Variants in TTC38 observed in about 807,000 individuals in gnomAD.
TTC38 encodes tetratricopeptide repeat protein 38.
In TTC38, 64 loss-of-function variants were observed where a neutral mutation model predicts 64.2. The ratio of observed to expected loss-of-function variants is 1.00; its 90% confidence interval spans 0.81 to 1.23. The LOEUF (loss-of-function observed/expected upper bound fraction) is 1.23. Among genes scored for constraint, TTC38 ranks in the 50% most tolerant of loss-of-function variants. The pLI is 0.00. For synonymous variants in TTC38, 254 were observed against 249.3 expected (o/e 1.02, Z -0.18); for missense variants, 573 against 615.5 (o/e 0.93, Z 0.73).
chr22:46,277,626 AAAAG>A (rs2077502398), intron 5 of TTC38, among the ~76,000 whole-genome samples: 1 of 148,706 alleles, frequency 6.7e-6, no homozygotes, highest in African/African-American at 2.6e-5. Context: ...AAAAAAAAAA[AAAAG>A]AGAGAGATTG....
chr22:46,278,733 G>T (rs925708792), intron 6 of TTC38, 72 bp downstream of exon 6: 54 of 1,237,124 alleles, frequency 4.4e-5, no homozygotes, highest in Non-Finnish European at 6.1e-5. Flanking sequence ...CATATGAGGG[G>T]CACCATTCGT....
chr22:46,286,014 C>CAAAAAAAAA lies in TTC38; in HGVS notation c.834+744_834+752dup, dbSNP rs573736869. Among the ~76,000 whole-genome samples the CAAAAAAAAA allele has an allele frequency of 1.3e-3, 97 of 73,852 alleles. 3 individuals are homozygous for CAAAAAAAAA. The highest frequency in any genetic ancestry group is 3.5e-3 in the African/African-American group (64 of 18,294). 48.4% of individuals were successfully genotyped at this position (73,852 alleles called of 152,430 possible). ...TGGGTGACAGAGTGAGACTCTGTCT[C>CAAAAAAAAA]AAAAAAAAAAAAAAAAAGTGTATAG... On this transcript the variant is annotated intron_variant, in intron 9 of 13. Coordinates refer to ENST00000381031, the MANE Select transcript of TTC38 (RefSeq NM_017931.4).
At chr22:46,289,739 C>A (rs2077599487) in intron 12 of TTC38, 87 bp from the exon 13 acceptor site, 1 of 1,521,684 alleles carries the variant, frequency 6.6e-7, no homozygotes, top group Admixed American at 1.7e-5. Context: ...CACTGTCTCC[C>A]TGGAGAGCAG....
Position 46,282,172 on chromosome 22 carries a change from G to A in TTC38, c.735+454G>A. ...AGCAGGTGTGTGCCACACAGAGGGG[G>A]AAGATGGAGGGCATCCTAGCCCGTC... On this transcript the variant is annotated intron_variant, in intron 7 of 13. Transcript: ENST00000381031. This position sits in a 1 kb window ranked among gnomAD's most constrained non-coding sequence, Gnocchi z 4.4. 2.9e-6 allele frequency: 1 copy of A among 344,192 alleles called. No individual in the cohort carries two copies. Among genetic ancestry groups the A allele is most frequent in the South Asian group, 2.2e-5 (1 of 46,358 alleles). 21.3% of individuals were successfully genotyped at this position (344,192 alleles called of 1,614,324 possible).
intron 10 of TTC38, 74 bp from the exon 11 acceptor site, chr22:46,288,349 G>C: frequency 2.0e-6 from 3 of 1,484,250 alleles, no homozygotes; most frequent in Non-Finnish European, 2.8e-6. Context: ...GGGAAGCGCC[G>C]TGAGGGAGGC....
chr22:46,284,013 C>A lies in TTC38; in HGVS notation c.776C>A (p.Ala259Asp). The A allele has an allele frequency of 6.3e-7, 1 of 1,596,860 alleles. No individual in the cohort carries two copies. Among genetic ancestry groups the A allele is most frequent in the Non-Finnish European group, 8.5e-7 (1 of 1,171,862 alleles). ...MLACHNYWHW[A>D]LYLIEKGEYE... ...GCTTGTCATAACTATTGGCACTGGG[C>A]TTTATATCTGATTGAGAAGGTAAGG... The change falls in exon 8 of 14, where the codon GCT (alanine) becomes GAT (aspartate). Residue 259 changes from alanine to aspartate, a missense_variant. By Grantham distance (126) the Ala-to-Asp change is moderately radical. This residue lies in a region of TTC38 where 371 missense variants were observed against 381.8 expected (regional missense o/e 0.97). Coordinates refer to ENST00000381031, the MANE Select transcript of TTC38 (RefSeq NM_017931.4).
chr22:46,279,138 A>G (rs897237809), intron 6 of TTC38, among the ~76,000 whole-genome samples: 1 of 152,196 alleles, frequency 6.6e-6, no homozygotes, highest in Admixed American at 6.5e-5. Flanking sequence ...CTGAGTGATG[A>G]TCGCCAGTCA....
Position 46,282,512 on chromosome 22 carries a change from G to A in TTC38, c.735+794G>A, listed in dbSNP as rs140732628. On this transcript the variant is annotated intron_variant, in intron 7 of 13. Transcript: ENST00000381031. The surrounding 1 kb of genome is among the most constrained non-coding windows in gnomAD (Gnocchi z 4.4). ...AGGGACACAGCGTCGCTCACTCAGC[G>A]TTTACTGAATACCTGCTTTGTATTT... Among the ~76,000 whole-genome samples the A allele has an allele frequency of 1.8e-4, 27 of 152,334 alleles. No homozygotes were observed. Among genetic ancestry groups the A allele is most frequent in the Non-Finnish European group, 2.9e-4 (20 of 68,034 alleles).
chr22:46,275,697 G>T lies in TTC38; in HGVS notation c.539+276G>T, dbSNP rs1459243455. The stretch of plus-strand genomic sequence containing the variant: ...CTTCCCCAAAGCTTATTACAGCAAA[G>T]GTTTATTTTTCACTCATACTACGTG... On this transcript the variant is annotated intron_variant, in intron 5 of 13. Transcript: ENST00000381031. The surrounding 1 kb of genome is among the most constrained non-coding windows in gnomAD (Gnocchi z 4.5). 6.6e-6 allele frequency among the ~76,000 whole-genome samples: 1 copy of T among 152,118 alleles called. No homozygotes were observed. The highest frequency in any genetic ancestry group is 1.5e-5 in the Non-Finnish European group (1 of 68,024).
Position 46,268,046 on chromosome 22 carries a change from G to A in TTC38, c.7G>A (p.Ala3Thr), listed in dbSNP as rs1158809608. 1.9e-6 allele frequency: 3 copies of A among 1,541,986 alleles called. No individual in the cohort carries two copies. Among genetic ancestry groups the A allele is most frequent in the South Asian group, 1.2e-5 (1 of 83,830 alleles). The change falls in exon 1 of 14, where the codon GCA (alanine) becomes ACA (threonine). Residue 3 changes from alanine to threonine, a missense_variant. Ala to Thr is a moderately conservative substitution (Grantham distance 58). This residue lies in a region of TTC38 where 134 missense variants were observed against 126.5 expected (regional missense o/e 1.06). Coordinates refer to ENST00000381031, the MANE Select transcript of TTC38 (RefSeq NM_017931.4). ...GACTCCGACCCGGCGCAACATGGCC[G>A]CAGCCTCGCCTCTGCGCGACTGCCA... MAAASPLRDCQAW... is the reference protein window; with the variant it reads MATASPLRDCQAW...
At position 46,292,272 on chromosome 22, in the gene TTC38, C is replaced by A; in HGVS notation, c.1317-519C>A. 1 of 432,260 alleles carries A rather than the reference C, an allele frequency of 2.3e-6. No homozygotes were observed. The highest frequency in any genetic ancestry group is 1.7e-5 in the South Asian group (1 of 58,574). The allele number at this position is 432,260 out of a possible 1,614,324, so 26.8% of individuals were successfully genotyped here. A position where few individuals can be genotyped will look rare whatever the true frequency, so the allele number is the denominator to read the frequency against. The stretch of plus-strand genomic sequence containing the variant: ...GATCACAGTTCACTGTAAACTCAAA[C>A]TCCTGGGCTCAAGGAATCTTCCTGC... On this transcript the variant is annotated intron_variant, in intron 13 of 13. Coordinates refer to ENST00000381031, the MANE Select transcript of TTC38 (RefSeq NM_017931.4). This position sits in a 1 kb window ranked among gnomAD's most constrained non-coding sequence, Gnocchi z 6.5.
chr22:46,269,816 G>C (rs141961663), intron 2 of TTC38, among the ~76,000 whole-genome samples: 14 of 152,132 alleles, frequency 9.2e-5, no homozygotes, highest in African/African-American at 3.1e-4. Context: ...TGTTTGAGAC[G>C]GAGTCTTGCC....
rs972537805 is a variant in TTC38, at chr22:46,274,895, G to A, written c.366-353G>A. 4.6e-5 allele frequency among the ~76,000 whole-genome samples: 7 copies of A among 151,962 alleles called. No homozygotes were observed. Among genetic ancestry groups the A allele is most frequent in the African/African-American group, 1.5e-4 (6 of 41,350 alleles). ...GGCTGGAATGCAGTGGCGCAATCTC[G>A]GCTCACTGCCTCCACCTCCCGGGTT... On this transcript the variant is annotated intron_variant, in intron 4 of 13. Transcript: ENST00000381031. The surrounding 1 kb of genome is among the most constrained non-coding windows in gnomAD (Gnocchi z 4.8).
chr22:46,273,579 T>C lies in TTC38; in HGVS notation c.194-319T>C, dbSNP rs1481521559. On this transcript the variant is annotated intron_variant, in intron 3 of 13. Transcript: ENST00000381031. The surrounding 1 kb of genome is among the most constrained non-coding windows in gnomAD (Gnocchi z 5.1). ...GGGAGCCGTGTGCTGGCTGTGGCGG[T>C]AGTGTCAGCTGATGAGCCTGCAGGC... Among the ~76,000 whole-genome samples, 1 of 152,206 alleles carries C rather than the reference T, an allele frequency of 6.6e-6. No homozygotes were observed. The highest frequency in any genetic ancestry group is 6.5e-5 in the Admixed American group (1 of 15,288).
chr22:46,279,025 T>G (rs751757040), intron 6 of TTC38, among the ~76,000 whole-genome samples: 1 of 152,236 alleles, frequency 6.6e-6, no homozygotes, highest in Non-Finnish European at 1.5e-5. Context: ...ACTGCCCTGC[T>G]GGGACAGGAC....
At position 46,291,370 on chromosome 22, in the gene TTC38, C is replaced by T. The variant is rs371279901; in HGVS notation, c.1317-1421C>T. 2.6e-5 allele frequency among the ~76,000 whole-genome samples: 4 copies of T among 151,884 alleles called. No homozygotes were observed. The highest frequency in any genetic ancestry group is 4.4e-5 in the Non-Finnish European group (3 of 67,972). On this transcript the variant is annotated intron_variant, in intron 13 of 13. Transcript: ENST00000381031. This position sits in a 1 kb window ranked among gnomAD's most constrained non-coding sequence, Gnocchi z 4.6. ...GCGGCAGTGCCGATGTGGCCTTCTGCGGGGCCCAGTGGGGGAGGGCAGGGG... is the reference window on the plus strand; with the variant it reads ...GCGGCAGTGCCGATGTGGCCTTCTGTGGGGCCCAGTGGGGGAGGGCAGGGG...
intron 11 of TTC38, 36 bp from the exon 12 acceptor site, chr22:46,289,366 G>C: frequency 6.3e-7 from 1 of 1,597,074 alleles, no homozygotes; most frequent in Non-Finnish European, 8.5e-7. Context: ...GTTCTGTGAT[G>C]GGCAGGCAGC....
In TTC38 at chr22:46,289,629, C is replaced by T. The variant is rs1041895898; in HGVS notation, c.1242+68C>T. ...AGGGAGTCTGGGCGCCCCGCAGCCC[C>T]CAAGTTTCTCCCATGGTGTTGGTGC... is the stretch of plus-strand genomic sequence containing the variant. On this transcript the variant is annotated intron_variant, in intron 12 of 13. Coordinates refer to ENST00000381031, the MANE Select transcript of TTC38 (RefSeq NM_017931.4). 2.6e-6 allele frequency: 4 copies of T among 1,527,512 alleles called. No homozygotes were observed. In the African/African-American group the frequency reaches 5.5e-5, roughly 21 times the overall value. 94.6% of individuals were successfully genotyped at this position (1,527,512 alleles called of 1,614,324 possible). A position where few individuals can be genotyped will look rare whatever the true frequency, so the allele number is the denominator to read the frequency against.
chr22:46,281,483 T>G lies in TTC38; in HGVS notation c.616-116T>G. The G allele has an allele frequency of 1.0e-3, 467 of 448,682 alleles. No individual in the cohort carries two copies. Among genetic ancestry groups the G allele is most frequent in the East Asian group, 1.6e-3 (31 of 19,826 alleles). The allele number at this position is 448,682 out of a possible 1,614,324, so 27.8% of individuals were successfully genotyped here. ...TTGAGTCAGAGCCCCGCCCCCCCAC[T>G]TGCTCCACCCCGTTCAGCCCAGGCC... On this transcript the variant is annotated intron_variant, in intron 6 of 13. Transcript: ENST00000381031. This position sits in a 1 kb window ranked among gnomAD's most constrained non-coding sequence, Gnocchi z 5.2.
Sources: gnomAD v4.1 joint callset for allele counts (sites outside exome capture counted in the v4.1 genomes callset) on GRCh38, gnomAD v4.1.1 for gene constraint, gnomAD v4.1.1 regional missense constraint, Gnocchi (gnomAD v3.1) non-coding constraint, MANE v1.5 for transcripts, NCBI Gene and HGNC (gene_info 2026-07-23, HGNC 2026-07-21) for gene names.